The following CTNNA1 variants were observed in gnomAD, a reference collection of about 807,000 sequenced individuals.
CTNNA1 encodes the protein catenin alpha-1.
In CTNNA1, 37 loss-of-function variants were observed where a neutral mutation model predicts 98.4. The ratio of observed to expected loss-of-function variants is 0.38; its 90% confidence interval spans 0.29 to 0.49. The LOEUF (loss-of-function observed/expected upper bound fraction) is 0.49, where lower values mean the gene tolerates loss of function less well. Among genes scored for constraint, CTNNA1 ranks in the 20% least tolerant of loss-of-function variants. The pLI is 0.95. For synonymous variants in CTNNA1, 404 were observed against 413.2 expected (o/e 0.98, Z 0.27); for missense variants, 761 against 1,147.2 (o/e 0.66, Z 4.86).
intron 7 of CTNNA1, among the ~76,000 whole-genome samples, chr5:138,885,877 A>G (rs1581471804): frequency 6.6e-6 from 1 of 152,188 alleles, no homozygotes; most frequent in East Asian, 1.9e-4. Flanking sequence ...GAGCTGCTTC[A>G]TTAATAAAAT....
intron 1 of CTNNA1, among the ~76,000 whole-genome samples, chr5:138,769,167 C>A (rs1008361874): frequency 7.2e-5 from 11 of 151,900 alleles, no homozygotes; most frequent in Admixed American, 2.6e-4. Context: ...TCTGGGATTA[C>A]AGGTGTGAGC....
intron 7 of CTNNA1, among the ~76,000 whole-genome samples, chr5:138,879,115 C>T (rs959903999): frequency 7.5e-6 from 1 of 133,492 alleles, no homozygotes; most frequent in Non-Finnish European, 1.5e-5. Context: ...GAAGCGGAGG[C>T]AGGAGAATCG....
chr5:138,808,344 G>T (rs1255840277), intron 3 of CTNNA1, among the ~76,000 whole-genome samples: 1 of 152,096 alleles, frequency 6.6e-6, no homozygotes, highest in African/African-American at 2.4e-5. Flanking sequence ...ACAAATAAAA[G>T]AATGAATGAT....
Position 138,866,263 on chromosome 5 carries a change from T to C in CTNNA1, c.1063-19949T>C, listed in dbSNP as rs972317248. On this transcript the variant is annotated intron_variant, in intron 7 of 17. Coordinates refer to ENST00000302763, the MANE Select transcript of CTNNA1 (RefSeq NM_001903.5). ...TCCAGGAAAAGCAACCTGTAGATTC[T>C]GTTGTAACTCATTTATTTATTTATT... Among the ~76,000 whole-genome samples, 4 of 149,970 alleles carry C rather than the reference T, an allele frequency of 2.7e-5. No individual in the cohort carries two copies. The East Asian group carries it at 7.8e-4, about 29-fold the overall frequency.
intron 9 of CTNNA1, among the ~76,000 whole-genome samples, chr5:138,898,765 A>G (rs1043587203): frequency 1.3e-5 from 2 of 152,172 alleles, no homozygotes; most frequent in Non-Finnish European, 2.9e-5. Context: ...TGTCTTTCCC[A>G]TCATTCTCTC....
chr5:138,856,497 A>G (rs1561599309), intron 7 of CTNNA1, among the ~76,000 whole-genome samples: 1 of 152,092 alleles, frequency 6.6e-6, no homozygotes, highest in East Asian at 1.9e-4. Flanking sequence ...GTGTGTTACC[A>G]CACTCGGCTA....
chr5:138,841,781 T>C (rs1228711054), intron 7 of CTNNA1, among the ~76,000 whole-genome samples: 87 of 152,222 alleles, frequency 5.7e-4, no homozygotes. Flanking sequence ...GGCCTCCTGC[T>C]CTGGTTTTAA....
chr5:138,766,956 A>G (rs895353637), intron 1 of CTNNA1, among the ~76,000 whole-genome samples: 2 of 152,142 alleles, frequency 1.3e-5, no homozygotes, highest in Admixed American at 1.3e-4. Flanking sequence ...ATGAACAGTA[A>G]GAATACAGTG....
intron 7 of CTNNA1, among the ~76,000 whole-genome samples, chr5:138,882,873 G>T (rs1753234440): frequency 6.6e-6 from 1 of 152,216 alleles, no homozygotes; most frequent in African/African-American, 2.4e-5. Flanking sequence ...TTGTCACCCA[G>T]GCTGGAGTGC....
At chr5:138,867,647 G>T (rs750201489) in intron 7 of CTNNA1, among the ~76,000 whole-genome samples, 2 of 151,792 alleles carry the variant, frequency 1.3e-5, no homozygotes, top group Non-Finnish European at 2.9e-5. Context: ...CTTCCTTCTC[G>T]GCCTACTCAA....
At chr5:138,789,027 T>G (rs1357079137) in intron 3 of CTNNA1, among the ~76,000 whole-genome samples, 1 of 152,158 alleles carries the variant, frequency 6.6e-6, no homozygotes, top group Non-Finnish European at 1.5e-5. Flanking sequence ...ATTTGCTCAG[T>G]AAAGGGGCCA....
At chr5:138,885,447 A>G (rs1417350620) in intron 7 of CTNNA1, among the ~76,000 whole-genome samples, 2 of 152,184 alleles carry the variant, frequency 1.3e-5, no homozygotes, top group African/African-American at 2.4e-5. Context: ...GGACACAACA[A>G]TCTCCACCTG....
At chr5:138,762,497 A>G (rs967775348) in intron 1 of CTNNA1, among the ~76,000 whole-genome samples, 8 of 139,898 alleles carry the variant, frequency 5.7e-5, no homozygotes, top group African/African-American at 1.8e-4. Context: ...GTTTTTTTTT[A>G]TAACTATCAA....
At position 138,824,729 on chromosome 5, in the gene CTNNA1, C is replaced by A. The variant is rs772713589; in HGVS notation, c.788C>A (p.Ala263Asp). Residue 263 changes from alanine (A) to aspartate (D), a missense_variant, in exon 6 of 18, where the codon GCC (alanine) becomes GAC (aspartate). This residue lies in a region of CTNNA1 where 328 missense variants were observed against 354.3 expected (regional missense o/e 0.93). Coordinates refer to ENST00000302763, the MANE Select transcript of CTNNA1 (RefSeq NM_001903.5). Reference protein sequence around the residue: ...TGISNAAQATASDDASQHQGG... With the variant: ...TGISNAAQATDSDDASQHQGG... Reference sequence around the variant, plus strand: ...ATTTCCAATGCAGCCCAGGCCACTGCCTCAGACGATGCCTCACAGCACCAG... The same window carrying A: ...ATTTCCAATGCAGCCCAGGCCACTGACTCAGACGATGCCTCACAGCACCAG... 6.2e-7 allele frequency: 1 copy of A among 1,614,206 alleles called. No homozygotes were observed. Among genetic ancestry groups the A allele is most frequent in the Non-Finnish European group, 8.5e-7 (1 of 1,180,032 alleles).
chr5:138,931,763 G>A (rs1765400684), intron 16 of CTNNA1: 4 of 985,394 alleles, frequency 4.1e-6, no homozygotes, highest in Non-Finnish European at 4.8e-6. Context: ...ACATGGCTCT[G>A]CCCTGCTTCC....
intron 7 of CTNNA1, among the ~76,000 whole-genome samples, chr5:138,830,615 T>G (rs2149792743): frequency 6.6e-6 from 1 of 152,312 alleles, no homozygotes; most frequent in South Asian, 2.1e-4. Flanking sequence ...TGGGGATAGA[T>G]TTTTGCTTAT....
rs539073038 is a variant in CTNNA1, at chr5:138,894,281, C to CTTTTTT, written c.1296+6652_1296+6657dup. Among the ~76,000 whole-genome samples the CTTTTTT allele has an allele frequency of 8.1e-5, 10 of 123,948 alleles. 2 individuals are homozygous for CTTTTTT. Among genetic ancestry groups the CTTTTTT allele is most frequent in the African/African-American group, 1.6e-4 (4 of 25,580 alleles). The allele number at this position is 123,948 out of a possible 152,430, so 81.3% of individuals were successfully genotyped here. On this transcript the variant is annotated intron_variant, in intron 9 of 17. Coordinates refer to ENST00000302763, the MANE Select transcript of CTNNA1 (RefSeq NM_001903.5). ...ATATAGAGCCTTTACTTTTCTTTCT[C>CTTTTTT]TTTTTTTTTTTTTTTTTTGAGACAA...
At chr5:138,930,752 T>G in intron 15 of CTNNA1, 78 bp from the exon 16 acceptor site, 1 of 1,534,298 alleles carries the variant, frequency 6.5e-7, no homozygotes, top group Non-Finnish European at 9.0e-7. Flanking sequence ...CATGGGGCTT[T>G]GTGGACAATC....
intron 9 of CTNNA1, among the ~76,000 whole-genome samples, chr5:138,896,574 C>T (rs985909612): frequency 1.3e-5 from 2 of 152,132 alleles, no homozygotes; most frequent in South Asian, 2.1e-4. Context: ...TGTTGTTTAT[C>T]CTCAAGGCCA....
Sources: allele counts gnomAD v4.1 joint callset (sites outside exome capture counted in the v4.1 genomes callset), GRCh38; gene constraint gnomAD v4.1.1; regional missense constraint gnomAD v4.1.1; transcripts MANE v1.5; gene names NCBI Gene and HGNC (gene_info 2026-07-23, HGNC 2026-07-21).